Variants in B3GALT1 observed in about 807,000 individuals in gnomAD.
B3GALT1 encodes UDP-Gal:betaGlcNAc beta 1,3-galactosyltransferase, polypeptide 1.
Under a neutral mutation model 23.2 loss-of-function variants are expected in B3GALT1, and 10 were observed. The ratio of observed to expected loss-of-function variants is 0.43; its 90% CI spans 0.27 to 0.73. The LOEUF (loss-of-function observed/expected upper bound fraction) is 0.73, where lower values mean the gene tolerates loss of function less well. B3GALT1 is among the 30% of genes least tolerant of loss of function. The pLI is 0.21. For synonymous variants in B3GALT1, 156 were observed against 141.5 expected, an observed-to-expected ratio of 1.10 and a Z score of -0.73; for missense variants, 299 against 405.4, an observed-to-expected ratio of 0.74 and a Z score of 2.25.
At chr2:167,678,504 A>C (rs747146786) in intron 3 of B3GALT1, among the ~76,000 whole-genome samples, 1 of 152,052 alleles carries the variant, frequency 6.6e-6, no homozygotes, top group Non-Finnish European at 1.5e-5. Context: ...TGCCTTCTAC[A>C]CTGTGACCTC....
At chr2:167,403,414 G>A (rs961568193) in intron 1 of B3GALT1, among the ~76,000 whole-genome samples, 2 of 151,628 alleles carry the variant, frequency 1.3e-5, no homozygotes, top group African/African-American at 4.8e-5. Context: ...TCTTAATCCA[G>A]TCTATCATTG....
intron 2 of B3GALT1, among the ~76,000 whole-genome samples, chr2:167,539,968 C>T (rs1466903790): frequency 6.6e-6 from 1 of 152,030 alleles, no homozygotes; most frequent in Admixed American, 6.6e-5. Flanking sequence ...GGAGAAAAGG[C>T]ATACTGAATA....
At chr2:167,604,266 C>A (rs925805941) in intron 2 of B3GALT1, among the ~76,000 whole-genome samples, 1 of 151,976 alleles carries the variant, frequency 6.6e-6, no homozygotes, top group Non-Finnish European at 1.5e-5. Flanking sequence ...TGCTCAGCTG[C>A]CCCCATGTGA....
intron 3 of B3GALT1, among the ~76,000 whole-genome samples, chr2:167,667,950 T>C (rs992822553): frequency 6.6e-6 from 1 of 152,230 alleles, no homozygotes; most frequent in Non-Finnish European, 1.5e-5. Context: ...TCTCAGCTTG[T>C]CAAAGTCATT....
chr2:167,343,713 A>T (rs1375682801), intron 1 of B3GALT1, among the ~76,000 whole-genome samples: 2 of 152,088 alleles, frequency 1.3e-5, no homozygotes, highest in Non-Finnish European at 2.9e-5. Flanking sequence ...TTATTAGTAA[A>T]TATAGGAGGA....
At chr2:167,522,091 G>A (rs1365628345) in intron 2 of B3GALT1, among the ~76,000 whole-genome samples, 1 of 150,182 alleles carries the variant, frequency 6.7e-6, no homozygotes, top group Non-Finnish European at 1.5e-5. Context: ...AGGAATTACT[G>A]ATATGGCCAT....
chr2:167,531,170 A>G (rs1683319532), intron 2 of B3GALT1, among the ~76,000 whole-genome samples: 1 of 152,192 alleles, frequency 6.6e-6, no homozygotes, highest in Non-Finnish European at 1.5e-5. Context: ...AAGGTCTTGA[A>G]TGTCAAAGTA....
chr2:167,479,312 ATAAT>A (rs1326987498), intron 1 of B3GALT1, among the ~76,000 whole-genome samples: 4 of 152,168 alleles, frequency 2.6e-5, no homozygotes, highest in Non-Finnish European at 4.4e-5. Flanking sequence ...TGTATTGGCA[ATAAT>A]TAATGTATTC....
intron 2 of B3GALT1, among the ~76,000 whole-genome samples, chr2:167,504,392 ACTAC>A: frequency 6.6e-6 from 1 of 152,150 alleles, no homozygotes; most frequent in Non-Finnish European, 1.5e-5. Context: ...GAAAACAAAC[ACTAC>A]CCAGTTTTCA....
At chr2:167,825,388 T>A (rs1160846189) in intron 4 of B3GALT1, among the ~76,000 whole-genome samples, 1 of 148,428 alleles carries the variant, frequency 6.7e-6, no homozygotes, top group Non-Finnish European at 1.5e-5. Context: ...AAGGAGACAA[T>A]GTTAGTCAGG....
intron 2 of B3GALT1, among the ~76,000 whole-genome samples, chr2:167,636,228 A>C (rs2105451436): frequency 6.6e-6 from 1 of 152,076 alleles, no homozygotes; most frequent in South Asian, 2.1e-4. Flanking sequence ...CCTGCCTGGC[A>C]GGTGAGCATG....
chr2:167,610,160 C>T (rs909124797), intron 2 of B3GALT1, among the ~76,000 whole-genome samples: 16 of 152,008 alleles, frequency 1.1e-4, no homozygotes, highest in African/African-American at 3.6e-4. Context: ...GAAGGTTAGT[C>T]GTAAGAAAGA....
chr2:167,394,395 A>G (rs1698063037), intron 1 of B3GALT1, among the ~76,000 whole-genome samples: 1 of 152,162 alleles, frequency 6.6e-6, no homozygotes, highest in African/African-American at 2.4e-5. Context: ...TGTCCTAACC[A>G]AATTTCCACT....
chr2:167,706,256 AC>A (rs574714796), intron 3 of B3GALT1, among the ~76,000 whole-genome samples: 339 of 152,360 alleles, frequency 2.2e-3, no homozygotes, highest in South Asian at 0.01. Flanking sequence ...GGCAGAGGAC[AC>A]TAATCTTTCT....
intron 1 of B3GALT1, among the ~76,000 whole-genome samples, chr2:167,362,924 C>T (rs555205184): frequency 2.6e-5 from 4 of 152,210 alleles, no homozygotes; most frequent in African/African-American, 4.8e-5. Context: ...GGTGTGAGCT[C>T]GGCTCACTGC....
chr2:167,524,481 T>C (rs890173364), intron 2 of B3GALT1, among the ~76,000 whole-genome samples: 1 of 152,202 alleles, frequency 6.6e-6, no homozygotes, highest in Non-Finnish European at 1.5e-5. Flanking sequence ...TAGTTTAGGC[T>C]GTTAAAAACC....
rs1418199499 is a variant in B3GALT1, at chr2:167,872,758, CCTTA to C, written c.*2742_*2745del. On this transcript the variant is annotated 3_prime_UTR_variant, in exon 5 of 5. Coordinates refer to ENST00000392690, the MANE Select transcript of B3GALT1 (RefSeq NM_020981.4). Reference sequence around the variant, plus strand: ...AATCGTATGTCTTAAAGAACTATTTCCTTACTTTTTTATGCTAGGTAATGCCCAT... The same window carrying C: ...AATCGTATGTCTTAAAGAACTATTTCCTTTTTTATGCTAGGTAATGCCCAT... 6.6e-6 allele frequency: 1 copy of C among 152,128 alleles called. No homozygotes were observed. The allele number at this position is 152,128 out of a possible 1,614,324, so 9.4% of individuals were successfully genotyped here. A position where few individuals can be genotyped will look rare whatever the true frequency, so the allele number is the denominator to read the frequency against.
chr2:167,605,541 T>G (rs917693326), intron 2 of B3GALT1, among the ~76,000 whole-genome samples: 1 of 152,160 alleles, frequency 6.6e-6, no homozygotes, highest in Admixed American at 6.5e-5. Flanking sequence ...TCCTGTGGGT[T>G]TCACATGGCT....
At chr2:167,418,145 G>A (rs1698496336) in intron 1 of B3GALT1, among the ~76,000 whole-genome samples, 1 of 152,100 alleles carries the variant, frequency 6.6e-6, no homozygotes, top group African/African-American at 2.4e-5. Flanking sequence ...GCAATTTTAG[G>A]AGTCACTTGC....
Sources: gnomAD v4.1 joint callset for allele counts (sites outside exome capture counted in the v4.1 genomes callset) on GRCh38, gnomAD v4.1.1 for gene constraint, MANE v1.5 for transcripts, NCBI Gene and HGNC (gene_info 2026-07-23, HGNC 2026-07-21) for gene names.